PLCG2: variants seen among roughly 807,000 people sequenced by gnomAD.
PLCG2 encodes 1-phosphatidylinositol 4,5-bisphosphate phosphodiesterase gamma-2.
A neutral mutation model predicts 175.6 loss-of-function variants in PLCG2; 69 were observed. The ratio of observed to expected loss-of-function variants is 0.39; its 90% confidence interval spans 0.32 to 0.48. The LOEUF (loss-of-function observed/expected upper bound fraction) is 0.48. Ranked by LOEUF, PLCG2 falls within the 20% of genes least tolerant of loss-of-function variation. PLCG2 has a pLI of 0.91. For synonymous variants in PLCG2, 827 were observed against 624.0 expected, an observed-to-expected ratio of 1.33 and a Z score of -4.85; for missense variants, 1,798 against 1,650.9, an observed-to-expected ratio of 1.09 and a Z score of -1.54.
chr16:81,910,757 G>T, intron 18 of PLCG2, 37 bp downstream of exon 18: 1 of 1,585,042 alleles, frequency 6.3e-7, no homozygotes, highest in Non-Finnish European at 8.6e-7. Flanking sequence ...GCAGGCGGTG[G>T]TCGGGTTAGC....
chr16:81,905,078 G>A (rs1909307281), intron 14 of PLCG2, among the ~76,000 whole-genome samples: 1 of 152,188 alleles, frequency 6.6e-6, no homozygotes, highest in South Asian at 2.1e-4. Context: ...GTAGATACAG[G>A]GTTTTGCCAT....
intron 32 of PLCG2, among the ~76,000 whole-genome samples, chr16:81,957,106 G>A (rs559171990): frequency 1.2e-3 from 190 of 152,018 alleles, no homozygotes; most frequent in African/African-American, 4.4e-3. Flanking sequence ...CAAGACCAGC[G>A]TGCCCAACAT....
At chr16:81,883,090 T>C (rs1246864317) in intron 8 of PLCG2, among the ~76,000 whole-genome samples, 179 bp from the exon 9 acceptor site, 1 of 152,144 alleles carries the variant, frequency 6.6e-6, no homozygotes, top group Non-Finnish European at 1.5e-5. Context: ...TGAATCCTTG[T>C]AGGTGAGGGA....
chr16:81,899,303 CAT>C, intron 13 of PLCG2, among the ~76,000 whole-genome samples: 1 of 150,018 alleles, frequency 6.7e-6, no homozygotes, highest in African/African-American at 2.5e-5. Context: ...CACACACACA[CAT>C]AAATATATAT....
rs1159629637 is a variant in PLCG2, at chr16:81,870,926, G to A, written c.639G>A (p.Gln213=). 1 of 1,562,248 alleles carries A rather than the reference G, an allele frequency of 6.4e-7. No individual in the cohort carries two copies. Among genetic ancestry groups the A allele is most frequent in the Non-Finnish European group, 8.8e-7 (1 of 1,138,770 alleles). Residue 213 remains glutamine, a synonymous_variant, in exon 7 of 33, where the codon CAG becomes CAA. Transcript: ENST00000564138. ...HLFYKKLMFE[Q]QKSILDEFKK... is the part of the protein sequence containing the mutation. ...TCTATAAAAAACTTATGTTTGAACA[G>A]CAAAAATCGGTAAGATGATTCTTGA...
Position 81,854,555 on chromosome 16 carries a change from C to G in PLCG2, c.305C>G (p.Thr102Ser). The change falls in exon 3 of 33, where the codon ACT becomes AGT. Residue 102 changes from threonine (T) to serine (S), a missense_variant. Transcript: ENST00000564138. ...TGCTGCTTCACCATCCTATATGGCACTCAGTTCGTCCTCAGCACGCTCAGC... is the reference window on the plus strand; with the variant it reads ...TGCTGCTTCACCATCCTATATGGCAGTCAGTTCGTCCTCAGCACGCTCAGC... ...EDCCFTILYG[T>S]QFVLSTLSLA... 6.2e-7 allele frequency: 1 copy of G among 1,614,074 alleles called. No homozygotes were observed. Among genetic ancestry groups the G allele is most frequent in the South Asian group, 1.1e-5 (1 of 91,078 alleles).
chr16:81,739,898 G>A (rs1006587271), intron 1 of PLCG2, among the ~76,000 whole-genome samples: 4 of 152,182 alleles, frequency 2.6e-5, no homozygotes, highest in African/African-American at 7.2e-5. Flanking sequence ...AGCGCTTTGG[G>A]AGGCCAAGGC....
chr16:81,934,403 C>T (rs766461155), intron 25 of PLCG2, 26 bp from the exon 26 acceptor site: 11 of 1,411,998 alleles, frequency 7.8e-6, no homozygotes, highest in Non-Finnish European at 1.1e-5. Context: ...CGGGGGCGGG[C>T]ACTAAAGACA....
At chr16:81,797,636 C>T (rs1406039319) in intron 2 of PLCG2, among the ~76,000 whole-genome samples, 4 of 152,148 alleles carry the variant, frequency 2.6e-5, no homozygotes, top group Non-Finnish European at 5.9e-5. Context: ...AGGAAAAGGC[C>T]CTGGCTGCCC....
intron 26 of PLCG2, 24 bp from the exon 27 acceptor site, chr16:81,936,145 G>A (rs768234294): frequency 1.2e-6 from 2 of 1,612,764 alleles, no homozygotes; most frequent in Non-Finnish European, 1.7e-6. Context: ...CAGAAGTACT[G>A]ATGACCTTTT....
At chr16:81,861,657 G>A (rs886662634) in intron 5 of PLCG2, among the ~76,000 whole-genome samples, 22 of 152,170 alleles carry the variant, frequency 1.4e-4, no homozygotes, top group African/African-American at 4.6e-4. Context: ...CAGCCTCGGA[G>A]GTGATGCCTC....
At chr16:81,860,172 A>ATTATTATTATTATTATTAT (rs763047744) in intron 5 of PLCG2, among the ~76,000 whole-genome samples, 10 of 120,610 alleles carry the variant, frequency 8.3e-5, no homozygotes, top group South Asian at 2.7e-4. Flanking sequence ...TATTATTATT[A>ATTATTATTATTATTATTAT]TTTTTTTTTT....
rs866952757 is a variant in PLCG2 at position 81,851,170 on chromosome 16, G to A, written c.194-3274G>A. On this transcript the variant is annotated intron_variant, in intron 2 of 32. Transcript: ENST00000564138. ...CACCCATAATTGAGAAGTGTCTTTA[G>A]TTACTTTTTATTTTGAAATAATTTT... is the stretch of plus-strand genomic sequence containing the variant. 2.0e-5 allele frequency among the ~76,000 whole-genome samples: 3 copies of A among 152,304 alleles called. No homozygotes were observed. In the South Asian group the frequency reaches 6.2e-4, roughly 32 times the overall value.
At chr16:81,776,326 G>T (rs1910405527), upstream of PLCG2, among the ~76,000 whole-genome samples, 1 of 151,592 alleles carries the variant, frequency 6.6e-6, no homozygotes, top group African/African-American at 2.4e-5. Context: ...AAGCAGGATG[G>T]TCTTGATCTT....
intron 2 of PLCG2, among the ~76,000 whole-genome samples, chr16:81,840,831 A>C (rs973841929): frequency 6.6e-6 from 1 of 152,186 alleles, no homozygotes; most frequent in Non-Finnish European, 1.5e-5. Context: ...GGAACAGGGC[A>C]GGGCACGTGG....
intron 2 of PLCG2, among the ~76,000 whole-genome samples, chr16:81,810,645 TTTTTA>T (rs1447183052): frequency 4.0e-4 from 6 of 15,166 alleles, no homozygotes; most frequent in African/African-American, 9.4e-4. Context: ...AATTTCTTTC[TTTTTA>T]TTTTTTGCTG....
At chr16:81,940,167 T>G (rs1355895552) in intron 30 of PLCG2, 108 bp downstream of exon 30, 2 of 1,020,602 alleles carry the variant, frequency 2.0e-6, no homozygotes, top group Admixed American at 4.1e-5. Context: ...TTGGATGGAA[T>G]CACTGTAAAA....
intron 2 of PLCG2, among the ~76,000 whole-genome samples, chr16:81,839,032 G>A (rs1462125381): frequency 6.6e-6 from 1 of 151,992 alleles, no homozygotes; most frequent in Non-Finnish European, 1.5e-5. Flanking sequence ...CAAGCCGAGG[G>A]TTTTGCTTCC....
In PLCG2 at chr16:81,908,477, G is replaced by A; in HGVS notation, c.1619G>A (p.Arg540Lys). 2 of 1,614,176 alleles carry A rather than the reference G, an allele frequency of 1.2e-6. No homozygotes were observed. The highest frequency in any genetic ancestry group is 1.7e-6 in the Non-Finnish European group (2 of 1,180,018). Residue 540 changes from arginine (R) to lysine (K), a missense_variant, in exon 17 of 33, where the codon AGG becomes AAG. Arg to Lys is a conservative substitution (Grantham distance 26). Coordinates refer to ENST00000564138, the MANE Select transcript of PLCG2 (RefSeq NM_002661.5). ...EKWFHKKVEKRTSAEKLLQEY... is the reference protein window; with the variant it reads ...EKWFHKKVEKKTSAEKLLQEY... Reference sequence around the variant, plus strand: ...TGGTTCCACAAGAAGGTGGAGAAGAGGACGAGTGCCGAGAAGTTGCTGCAG... The same window carrying A: ...TGGTTCCACAAGAAGGTGGAGAAGAAGACGAGTGCCGAGAAGTTGCTGCAG...
Sources: gnomAD v4.1 joint callset for allele counts (sites outside exome capture counted in the v4.1 genomes callset) on GRCh38, gnomAD v4.1.1 for gene constraint, MANE v1.5 for transcripts, NCBI Gene and HGNC (gene_info 2026-07-23, HGNC 2026-07-21) for gene names.